Variants in ARHGEF15 observed in about 807,000 individuals in gnomAD.
ARHGEF15 encodes the protein Rho guanine nucleotide exchange factor (GEF) 15.
A neutral mutation model predicts 79.7 loss-of-function variants in ARHGEF15; 58 were observed. The observed-to-expected ratio is 0.73, with a 90% confidence interval of 0.59 to 0.91. The LOEUF is 0.91. Ranked by LOEUF, ARHGEF15 falls within the 40% of genes least tolerant of loss-of-function variation. The probability of loss-of-function intolerance (pLI) is 0.00; values close to 1 mark genes in which losing one functional copy is unlikely to be tolerated. For synonymous variants in ARHGEF15, 442 were observed against 456.0 expected (o/e 0.97, Z 0.39); for missense variants, 1,012 against 1,108.1 (o/e 0.91, Z 1.23).
intron 4 of ARHGEF15, 27 bp downstream of exon 4, chr17:8,313,582 C>T (rs930752469): frequency 6.2e-7 from 1 of 1,602,526 alleles, no homozygotes; most frequent in Non-Finnish European, 8.5e-7. Flanking sequence ...CCCCTACTCC[C>T]TGGTTCTCTC....
At chr17:8,312,794 T>G (rs759261231) in intron 2 of ARHGEF15, 128 bp from the exon 3 acceptor site, 4 of 1,564,568 alleles carry the variant, frequency 2.6e-6, no homozygotes, top group Non-Finnish European at 3.5e-6. Context: ...GGAGTCAGGG[T>G]GGAGGAGATC....
rs564708996 is a variant in ARHGEF15, at chr17:8,313,262, G to A, written c.934+8G>A. On this transcript the variant is annotated splice_region_variant and intron_variant, in intron 3 of 15. Transcript: ENST00000361926. ...AAGATGGAATCCAAACAGGTGCAGG[G>A]CCTGGGGGAGTGGACCTCTGGGCTG... The A allele has an allele frequency of 1.0e-4, 166 of 1,602,166 alleles. 2 individuals are homozygous for A. Among genetic ancestry groups the A allele is most frequent in the Middle Eastern group, 9.9e-4 (6 of 6,048 alleles).
Position 8,312,222 on chromosome 17 carries a change from C to G in ARHGEF15, c.183C>G (p.Ile61Met), listed in dbSNP as rs542926076. 6.4e-7 allele frequency: 1 copy of G among 1,567,630 alleles called. No individual in the cohort carries two copies. Among genetic ancestry groups the G allele is most frequent in the African/African-American group, 1.4e-5 (1 of 72,742 alleles). ...NDAPTPMCTP[I>M]FWEPPAASLK... ...CACCAACCCCAATGTGCACCCCCAT[C>G]TTCTGGGAGCCCCCAGCTGCATCCC... Residue 61 changes from isoleucine to methionine, a missense_variant, in exon 2 of 16, where the codon ATC (isoleucine) becomes ATG (methionine). Physicochemically the swap from Ile to Met is conservative, Grantham distance 10 (BLOSUM62 1). Around this residue, in one of 3 missense-constraint regions of ARHGEF15, gnomAD observed 818 missense variants for 882.5 expected, o/e 0.93. Coordinates refer to ENST00000361926, the MANE Select transcript of ARHGEF15 (RefSeq NM_173728.4).
rs1597463700 is a variant in ARHGEF15, at chr17:8,315,649, A to G, written c.1421+75A>G. 6.3e-7 allele frequency: 1 copy of G among 1,592,656 alleles called. No homozygotes were observed. Among genetic ancestry groups the G allele is most frequent in the Non-Finnish European group, 8.5e-7 (1 of 1,171,726 alleles). On this transcript the variant is annotated intron_variant, in intron 7 of 15. Coordinates refer to ENST00000361926, the MANE Select transcript of ARHGEF15 (RefSeq NM_173728.4). This position sits in a 1 kb window ranked among gnomAD's most constrained non-coding sequence, Gnocchi z 4.3. ...ACGCCCTTTCCTCTCTCCCGGGCCC[A>G]GGTCCTTCCTTCTACGGACCCAGTT...
intron 13 of ARHGEF15, 42 bp downstream of exon 13, chr17:8,319,201 T>C: frequency 7.5e-6 from 12 of 1,609,766 alleles, no homozygotes; most frequent in Non-Finnish European, 1.0e-5. Flanking sequence ...GGGACACTTA[T>C]CTGACCTCTC....
In ARHGEF15 at chr17:8,320,168, A is replaced by G. The variant is rs2313144; in HGVS notation, c.2374+565A>G. ...AGGGACTGTGAATCAAATATATCACACTTCCTTCCTTGCTGGAGCTACGTT... is the reference window on the plus strand; with the variant it reads ...AGGGACTGTGAATCAAATATATCACGCTTCCTTCCTTGCTGGAGCTACGTT... On this transcript the variant is annotated intron_variant, in intron 15 of 15. Transcript: ENST00000361926. 4.6e-3 allele frequency among the ~76,000 whole-genome samples: 699 copies of G among 152,266 alleles called. 8 individuals are homozygous for G. Among genetic ancestry groups the G allele is most frequent in the African/African-American group, 0.016 (647 of 41,546 alleles).
intron 3 of ARHGEF15, 35 bp from the exon 4 acceptor site, chr17:8,313,466 T>C (rs1416124152): frequency 1.3e-6 from 2 of 1,593,792 alleles, no homozygotes; most frequent in African/African-American, 1.4e-5. Context: ...GATCCTGGAG[T>C]TTTTTTTTCT....
chr17:8,314,790 C>A, intron 4 of ARHGEF15, 116 bp from the exon 5 acceptor site: 4 of 1,065,964 alleles, frequency 3.8e-6, no homozygotes, highest in South Asian at 1.8e-5. Flanking sequence ...GGGGAGCCGT[C>A]AGGGTCCCTA....
At chr17:8,314,729 T>C (rs1011963711) in intron 4 of ARHGEF15, 177 bp from the exon 5 acceptor site, 1 of 656,844 alleles carries the variant, frequency 1.5e-6, no homozygotes, top group African/African-American at 2.2e-5. Context: ...AACGAGACCT[T>C]GCCTTTCCCC....
chr17:8,311,400 C>T (rs1904599335), intron 1 of ARHGEF15, among the ~76,000 whole-genome samples: 1 of 152,046 alleles, frequency 6.6e-6, no homozygotes, highest in South Asian at 2.1e-4. Flanking sequence ...GGAGAGACCT[C>T]GCCAGGACCT....
Position 8,318,883 on chromosome 17 carries a change from A to G in ARHGEF15, c.2006A>G (p.Asp669Gly). The change falls in exon 12 of 16, where the codon GAC (aspartate) becomes GGC (glycine). Residue 669 changes from aspartate to glycine, a missense_variant. This residue lies in a region of ARHGEF15 where 62 missense variants were observed against 101.3 expected (regional missense o/e 0.61). Transcript: ENST00000361926. This position sits in a 1 kb window ranked among gnomAD's most constrained non-coding sequence, Gnocchi z 5.0. ...CCTCTTTGCCTGCTGCTCTTTAGCG[A>G]CCTGCTGCTCATCACTCAGCCTAAG... ...FTPLCLLLFS[D>G]LLLITQPKSG... is the part of the protein sequence containing the mutation. 1.9e-6 allele frequency: 3 copies of G among 1,612,714 alleles called. No homozygotes were observed. Among genetic ancestry groups the G allele is most frequent in the Non-Finnish European group, 2.5e-6 (3 of 1,179,928 alleles).
chr17:8,314,616 T>C (rs1423660477), intron 4 of ARHGEF15, among the ~76,000 whole-genome samples: 1 of 151,918 alleles, frequency 6.6e-6, no homozygotes, highest in East Asian at 1.9e-4. Flanking sequence ...GATCTGGAAT[T>C]TGGGCCGGGC....
rs766715973 is a variant in ARHGEF15 at position 8,315,365 on chromosome 17, C to G, written c.1261-49C>G. ...AGGGGAGGAGGGCCCAGGGTCCTAG[C>G]TTCCCACGGTGAACTGGGCTTCCCA... On this transcript the variant is annotated intron_variant, in intron 6 of 15. Coordinates refer to ENST00000361926, the MANE Select transcript of ARHGEF15 (RefSeq NM_173728.4). The surrounding 1 kb of genome is among the most constrained non-coding windows in gnomAD (Gnocchi z 4.3). The G allele has an allele frequency of 8.1e-6, 13 of 1,612,388 alleles. No homozygotes were observed. The highest frequency in any genetic ancestry group is 1.0e-5 in the Non-Finnish European group (12 of 1,179,152).
intron 4 of ARHGEF15, 88 bp downstream of exon 4, chr17:8,313,643 C>A: frequency 7.1e-7 from 1 of 1,398,654 alleles, no homozygotes; most frequent in Non-Finnish European, 9.9e-7. Flanking sequence ...CCAGCTAAAT[C>A]CCACCTCCAC....
At chr17:8,310,643 G>A (rs1003733732) in intron 1 of ARHGEF15, among the ~76,000 whole-genome samples, 3 of 152,012 alleles carry the variant, frequency 2.0e-5, no homozygotes, top group Admixed American at 6.6e-5. Flanking sequence ...TAGAACCTGC[G>A]CACACACTTT....
At position 8,312,574 on chromosome 17, in the gene ARHGEF15, G is replaced by C. The variant is rs1904716006; in HGVS notation, c.535G>C (p.Ala179Pro). The change falls in exon 2 of 16, where the codon GCA becomes CCA. Residue 179 changes from alanine to proline, a missense_variant. Ala to Pro is a conservative substitution (Grantham distance 27). This residue lies in a region of ARHGEF15 where 818 missense variants were observed against 882.5 expected (regional missense o/e 0.93). Coordinates refer to ENST00000361926, the MANE Select transcript of ARHGEF15 (RefSeq NM_173728.4). The stretch of plus-strand genomic sequence containing the variant: ...CCCGGAGCCAGGTCTCCAAGCGAGA[G>C]CAGATGTGAATGGGGAGAGAGAAGC... Reference protein sequence around the residue: ...DAPEPGLQARADVNGEREAPL... With the variant: ...DAPEPGLQARPDVNGEREAPL... The C allele has an allele frequency of 6.2e-7, 1 of 1,611,430 alleles. No homozygotes were observed. Among genetic ancestry groups the C allele is most frequent in the African/African-American group, 1.3e-5 (1 of 74,964 alleles).
At position 8,318,723 on chromosome 17, in the gene ARHGEF15, A is replaced by AC; in HGVS notation, c.1873-25dup. On this transcript the variant is annotated intron_variant, in intron 11 of 15. Transcript: ENST00000361926. This position sits in a 1 kb window ranked among gnomAD's most constrained non-coding sequence, Gnocchi z 5.0. ...CCCATGTTGCTGCTGCCACGCTAGA[A>AC]CCTCCTCTGCCTCCGCTTCCTCGCA... 6.2e-7 allele frequency: 1 copy of AC among 1,611,072 alleles called. No individual in the cohort carries two copies. Among genetic ancestry groups the AC allele is most frequent in the Non-Finnish European group, 8.5e-7 (1 of 1,178,598 alleles).
In ARHGEF15 at chr17:8,315,218, G is replaced by A. The variant is rs767736552; in HGVS notation, c.1201G>A (p.Ala401Thr). The part of the protein sequence containing the change: ...PRNTLWQELP[A>T]VQASGLLDTL... ...CAACACCCTGTGGCAGGAGCTTCCG[G>A]CTGTGCAAGCCAGCGGTCTTCTGGA... The change falls in exon 6 of 16, where the codon GCT (alanine) becomes ACT (threonine). Residue 401 changes from alanine to threonine, a missense_variant. Physicochemically the swap from Ala to Thr is moderately conservative, Grantham distance 58 (BLOSUM62 0). This residue lies in a region of ARHGEF15 where 818 missense variants were observed against 882.5 expected (regional missense o/e 0.93). Coordinates refer to ENST00000361926, the MANE Select transcript of ARHGEF15 (RefSeq NM_173728.4). The surrounding 1 kb of genome is among the most constrained non-coding windows in gnomAD (Gnocchi z 4.3). The A allele has an allele frequency of 6.2e-7, 1 of 1,613,738 alleles. No individual in the cohort carries two copies. The highest frequency in any genetic ancestry group is 1.7e-5 in the Admixed American group (1 of 60,024).
chr17:8,315,011 T>C lies in ARHGEF15; in HGVS notation c.1048+47T>C. 1 of 1,613,736 alleles carries C rather than the reference T, an allele frequency of 6.2e-7. No homozygotes were observed. The highest frequency in any genetic ancestry group is 1.3e-5 in the African/African-American group (1 of 74,994). On this transcript the variant is annotated intron_variant, in intron 5 of 15. Coordinates refer to ENST00000361926, the MANE Select transcript of ARHGEF15 (RefSeq NM_173728.4). The surrounding 1 kb of genome is among the most constrained non-coding windows in gnomAD (Gnocchi z 4.3). ...GGTCCCTGCTGTGACCATCAAGCAG[T>C]GGGGAAGGGTTTGGGAGCCCTGGGC...
Sources: gnomAD v4.1 joint callset for allele counts (sites outside exome capture counted in the v4.1 genomes callset) on GRCh38, gnomAD v4.1.1 for gene constraint, gnomAD v4.1.1 regional missense constraint, Gnocchi (gnomAD v3.1) non-coding constraint, MANE v1.5 for transcripts, NCBI Gene and HGNC (gene_info 2026-07-23, HGNC 2026-07-21) for gene names.